The following STPG2 variants were observed in gnomAD, a reference collection of about 807,000 sequenced individuals.
The protein encoded by STPG2 is sperm tail PG-rich repeat containing 2.
In STPG2, 56 loss-of-function variants were observed where a neutral mutation model predicts 54.2. The ratio of observed to expected loss-of-function variants is 1.03; its 90% CI spans 0.83 to 1.29. The LOEUF (loss-of-function observed/expected upper bound fraction) is 1.29, where lower values mean the gene tolerates loss of function less well. Ranked by LOEUF, STPG2 falls within the 50% of genes most tolerant of loss-of-function variation. The pLI, the probability that STPG2 is intolerant of heterozygous loss-of-function variation, is 0.00. For synonymous variants in STPG2, 200 were observed against 181.8 expected, an observed-to-expected ratio of 1.10 and a Z score of -0.81; for missense variants, 596 against 544.9, an observed-to-expected ratio of 1.09 and a Z score of -0.93.
At chr4:98,032,355 ATATATAAAC>A (rs1736623864) in intron 5 of STPG2, among the ~76,000 whole-genome samples, 1 of 152,210 alleles carries the variant, frequency 6.6e-6, no homozygotes, top group East Asian at 1.9e-4. Flanking sequence ...AAACTCTGGT[ATATATAAAC>A]TTACTCATGT....
intron 9 of STPG2, among the ~76,000 whole-genome samples, chr4:97,757,287 C>G (rs1039330303): frequency 6.6e-6 from 1 of 152,088 alleles, no homozygotes; most frequent in Admixed American, 6.6e-5. Flanking sequence ...AGACCTTCCC[C>G]CCATATAAAG....
At chr4:97,613,368 T>C (rs1210131633) in intron 10 of STPG2, among the ~76,000 whole-genome samples, 1 of 151,880 alleles carries the variant, frequency 6.6e-6, no homozygotes, top group Non-Finnish European at 1.5e-5. Flanking sequence ...GGGTTATGGG[T>C]TTTGAGGAAG....
chr4:97,638,060 A>T (rs1461336772), intron 10 of STPG2, among the ~76,000 whole-genome samples: 1 of 152,184 alleles, frequency 6.6e-6, no homozygotes, highest in Non-Finnish European at 1.5e-5. Context: ...AAAAGAACAA[A>T]GCTGAAGCCA....
intron 9 of STPG2, among the ~76,000 whole-genome samples, chr4:97,824,827 T>A (rs1247246335): frequency 6.6e-6 from 1 of 152,172 alleles, no homozygotes; most frequent in African/African-American, 2.4e-5. Flanking sequence ...GGGGGCAGCC[T>A]AGGTTCAATT....
intron 5 of STPG2, among the ~76,000 whole-genome samples, chr4:98,071,040 A>G (rs1425197653): frequency 6.6e-6 from 1 of 151,950 alleles, no homozygotes; most frequent in Non-Finnish European, 1.5e-5. Flanking sequence ...AGTTCTTCTA[A>G]TTCTTCAGAG....
At chr4:97,888,451 G>T (rs537827715) in intron 8 of STPG2, among the ~76,000 whole-genome samples, 10 of 152,228 alleles carry the variant, frequency 6.6e-5, no homozygotes, top group African/African-American at 2.2e-4. Context: ...TTATACTGGA[G>T]CTTTAAGATT....
At chr4:97,681,470 C>A (rs953748015) in intron 10 of STPG2, among the ~76,000 whole-genome samples, 2 of 151,788 alleles carry the variant, frequency 1.3e-5, no homozygotes, top group African/African-American at 2.4e-5. Context: ...TTAAATTAAT[C>A]TGTGACAGAT....
intron 10 of STPG2, among the ~76,000 whole-genome samples, chr4:97,664,789 C>A (rs1722472029): frequency 6.6e-6 from 1 of 152,036 alleles, no homozygotes; most frequent in Non-Finnish European, 1.5e-5. Flanking sequence ...CCAGTGGCAC[C>A]TTTGCCCAAG....
intron 10 of STPG2, among the ~76,000 whole-genome samples, chr4:97,609,918 A>G (rs897569223): frequency 1.3e-5 from 2 of 151,888 alleles, no homozygotes; most frequent in African/African-American, 4.8e-5. Flanking sequence ...GTAAAAACTG[A>G]GCAAAAATGT....
chr4:97,664,637 G>A (rs1158547058), intron 10 of STPG2, among the ~76,000 whole-genome samples: 1 of 152,058 alleles, frequency 6.6e-6, no homozygotes, highest in Non-Finnish European at 1.5e-5. Flanking sequence ...TCCTTGTGAG[G>A]TACTCCACAG....
At chr4:97,915,840 T>C (rs79512171) in intron 8 of STPG2, among the ~76,000 whole-genome samples, 27,694 of 151,998 alleles carry the variant, frequency 0.18, 2,833 homozygotes, top group East Asian at 0.36. Context: ...GTTTTTGAGA[T>C]GGGACATAGT....
intron 10 of STPG2, among the ~76,000 whole-genome samples, chr4:97,590,915 T>C (rs1733129046): frequency 6.6e-6 from 1 of 152,068 alleles, no homozygotes; most frequent in Admixed American, 6.6e-5. Flanking sequence ...GACATTAAAA[T>C]GCATCAGGAA....
At chr4:97,973,090 G>T (rs1031195596) in intron 6 of STPG2, among the ~76,000 whole-genome samples, 20 of 152,164 alleles carry the variant, frequency 1.3e-4, no homozygotes, top group Non-Finnish European at 2.4e-4. Flanking sequence ...GAACAGTTTA[G>T]AAGGCTCAGA....
At chr4:97,713,281 T>A (rs759905715) in intron 9 of STPG2, among the ~76,000 whole-genome samples, 5 of 152,188 alleles carry the variant, frequency 3.3e-5, no homozygotes, top group Non-Finnish European at 5.9e-5. Context: ...TCAAATGTAG[T>A]AAACAGATGG....
At chr4:97,993,789 C>T (rs565686626) in intron 5 of STPG2, among the ~76,000 whole-genome samples, 4 of 152,072 alleles carry the variant, frequency 2.6e-5, no homozygotes, top group Non-Finnish European at 5.9e-5. Flanking sequence ...TTCAGAGTTT[C>T]TCTTTCTTCC....
chr4:97,716,536 C>A (rs572681460), intron 9 of STPG2, among the ~76,000 whole-genome samples: 14 of 152,114 alleles, frequency 9.2e-5, no homozygotes, highest in African/African-American at 2.9e-4. Flanking sequence ...AGGATGAGTT[C>A]ATGTCCTTTG....
intron 9 of STPG2, among the ~76,000 whole-genome samples, chr4:97,824,460 C>A (rs897468967): frequency 2.6e-5 from 4 of 152,140 alleles, no homozygotes; most frequent in African/African-American, 9.7e-5. Context: ...TAAACTGTAG[C>A]AAATCTGTTG....
chr4:97,545,331 G>A (rs1560653387), intron 4 of STPG2, among the ~76,000 whole-genome samples: 1 of 152,102 alleles, frequency 6.6e-6, no homozygotes, highest in Non-Finnish European at 1.5e-5. Flanking sequence ...GGGCTGGGAG[G>A]AAGCTTTGGA....
chr4:97,511,917 AG>A (rs1375963293), intron 4 of STPG2, among the ~76,000 whole-genome samples: 3 of 152,116 alleles, frequency 2.0e-5, no homozygotes, highest in Admixed American at 2.0e-4. Flanking sequence ...GAGAGCTGCA[AG>A]TTCCTTAAAG....
Sources: allele counts gnomAD v4.1 joint callset (sites outside exome capture counted in the v4.1 genomes callset), GRCh38; gene constraint gnomAD v4.1.1; transcripts MANE v1.5; gene names NCBI Gene and HGNC (gene_info 2026-07-23, HGNC 2026-07-21).